Variants in LMBR1 observed in about 807,000 individuals in gnomAD.
LMBR1 encodes limb development membrane protein 1.
Under a neutral mutation model 73.9 loss-of-function variants are expected in LMBR1, and 52 were observed. That is an observed-to-expected ratio of 0.70 (90% CI 0.56 to 0.89). The LOEUF is 0.89. LMBR1 is among the 40% of genes least tolerant of loss of function. The probability of loss-of-function intolerance (pLI) is 0.00; values close to 1 mark genes in which losing one functional copy is unlikely to be tolerated. For missense variants in LMBR1, 539 were observed against 579.8 expected (o/e 0.93, Z 0.72); for synonymous variants, 215 against 209.4 (o/e 1.03, Z -0.23).
chr7:156,697,960 C>A (rs767049860), intron 15 of LMBR1, among the ~76,000 whole-genome samples: 3 of 152,176 alleles, frequency 2.0e-5, no homozygotes, highest in Non-Finnish European at 2.9e-5. Flanking sequence ...ATTTATGTTC[C>A]TCTGCGGCAG....
At chr7:156,880,457 T>C (rs1273244432) in intron 1 of LMBR1, among the ~76,000 whole-genome samples, 1 of 150,868 alleles carries the variant, frequency 6.6e-6, no homozygotes. Flanking sequence ...AGAACTTAAC[T>C]CATGTAACCA....
chr7:156,888,132 C>T (rs921443369), intron 1 of LMBR1, among the ~76,000 whole-genome samples: 3 of 152,142 alleles, frequency 2.0e-5, no homozygotes, highest in South Asian at 4.1e-4. Flanking sequence ...ACATAGAGGC[C>T]GGGCGTGGTG....
chr7:156,742,932 G>C (rs1445938905), intron 9 of LMBR1, among the ~76,000 whole-genome samples: 1 of 152,064 alleles, frequency 6.6e-6, no homozygotes, highest in African/African-American at 2.4e-5. Flanking sequence ...AGATGCAAGG[G>C]TGGTTCAACA....
intron 1 of LMBR1, among the ~76,000 whole-genome samples, chr7:156,868,048 A>G (rs1292347983): frequency 2.0e-5 from 3 of 152,318 alleles, no homozygotes; most frequent in South Asian, 4.1e-4. Context: ...TAATAAAAAT[A>G]AAAGTTTTAA....
intron 9 of LMBR1, among the ~76,000 whole-genome samples, chr7:156,741,821 T>C (rs528588446): frequency 6.6e-6 from 1 of 152,244 alleles, no homozygotes; most frequent in East Asian, 1.9e-4. Flanking sequence ...TACAGAACAT[T>C]TCATCTAATG....
At chr7:156,719,490 G>A (rs1814022620) in intron 15 of LMBR1, among the ~76,000 whole-genome samples, 1 of 152,104 alleles carries the variant, frequency 6.6e-6, no homozygotes, top group Non-Finnish European at 1.5e-5. Context: ...CATGCTCATG[G>A]GTAGGAAGAA....
At chr7:156,849,533 T>TG (rs1318512919) in intron 1 of LMBR1, among the ~76,000 whole-genome samples, 1 of 152,186 alleles carries the variant, frequency 6.6e-6, no homozygotes, top group Non-Finnish European at 1.5e-5. Context: ...TGAAAAGTCA[T>TG]GGAGGAAACT....
chr7:156,721,244 G>C (rs1021787605), intron 15 of LMBR1, among the ~76,000 whole-genome samples: 29 of 151,908 alleles, frequency 1.9e-4, no homozygotes, highest in Admixed American at 1.9e-3. Flanking sequence ...ATTATTAAAA[G>C]CATTTCAAAG....
At chr7:156,814,111 G>C (rs1050248452) in intron 4 of LMBR1, among the ~76,000 whole-genome samples, 2 of 152,038 alleles carry the variant, frequency 1.3e-5, no homozygotes, top group African/African-American at 2.4e-5. Context: ...CCCATAAACT[G>C]AACTTTTTCT....
At chr7:156,805,214 A>ATTTTTTTT (rs1831798017) in intron 4 of LMBR1, among the ~76,000 whole-genome samples, 1 of 112,946 alleles carries the variant, frequency 8.9e-6, no homozygotes, top group Non-Finnish European at 1.9e-5. Context: ...AACATCATGC[A>ATTTTTTTT]CTTTTTTTTT....
intron 9 of LMBR1, chr7:156,736,443 A>C (rs1013054936): frequency 4.5e-6 from 2 of 446,658 alleles, no homozygotes; most frequent in African/African-American, 4.0e-5. Context: ...TAAAGGTTTT[A>C]TCTTTATCAA....
intron 15 of LMBR1, among the ~76,000 whole-genome samples, chr7:156,691,851 C>T (rs1179107867): frequency 6.6e-6 from 1 of 152,088 alleles, no homozygotes; most frequent in African/African-American, 2.4e-5. Context: ...TTTCAAATCT[C>T]TTCCTCTAAA....
At chr7:156,708,812 G>A (rs1026454887) in intron 15 of LMBR1, among the ~76,000 whole-genome samples, 3 of 152,166 alleles carry the variant, frequency 2.0e-5, no homozygotes, top group Admixed American at 2.0e-4. Flanking sequence ...TACGGCCTGG[G>A]ACAAGGTCTG....
At chr7:156,687,773 C>T (rs879893782) in intron 16 of LMBR1, among the ~76,000 whole-genome samples, 8 of 152,088 alleles carry the variant, frequency 5.3e-5, no homozygotes, top group East Asian at 1.9e-4. Flanking sequence ...ATGTGCCAGG[C>T]GCTATGCTAA....
chr7:156,689,261 G>A (rs1806638028), intron 15 of LMBR1, among the ~76,000 whole-genome samples: 1 of 152,144 alleles, frequency 6.6e-6, no homozygotes, highest in African/African-American at 2.4e-5. Flanking sequence ...AGGAAAAAAG[G>A]ATAGAGCATT....
chr7:156,821,258 G>A (rs181393993), intron 4 of LMBR1, among the ~76,000 whole-genome samples: 238 of 152,314 alleles, frequency 1.6e-3, no homozygotes, highest in Middle Eastern at 3.4e-3. Context: ...CCCCACTCCC[G>A]CTACGCTGCC....
intron 1 of LMBR1, among the ~76,000 whole-genome samples, chr7:156,868,205 T>TG (rs1798747632): frequency 6.6e-6 from 1 of 151,274 alleles, no homozygotes; most frequent in Non-Finnish European, 1.5e-5. Context: ...CTTTTTTTTT[T>TG]TTTTTTGAGA....
In LMBR1 at chr7:156,817,382, A is replaced by T. The variant is rs536023707; in HGVS notation, c.319+9223T>A. ...TCAAAAAGCAATTTACACAATTTTT[A>T]AAAATTCTACCAACAAAGCATAAGG... On this transcript the variant is annotated intron_variant, in intron 4 of 16. Coordinates refer to ENST00000353442, the MANE Select transcript of LMBR1 (RefSeq NM_022458.4). Among the ~76,000 whole-genome samples, 80 of 152,308 alleles carry T rather than the reference A, an allele frequency of 5.3e-4. No individual in the cohort carries two copies. In the East Asian group the frequency reaches 0.014, roughly 27 times the overall value.
chr7:156,790,462 T>A (rs1051647067), intron 5 of LMBR1, among the ~76,000 whole-genome samples: 2 of 152,022 alleles, frequency 1.3e-5, no homozygotes, highest in Admixed American at 1.3e-4. Flanking sequence ...GTATTCTGAA[T>A]TCCAAAGTTC....
Sources: allele counts gnomAD v4.1 joint callset (sites outside exome capture counted in the v4.1 genomes callset), GRCh38; gene constraint gnomAD v4.1.1; transcripts MANE v1.5; gene names NCBI Gene and HGNC (gene_info 2026-07-23, HGNC 2026-07-21).